Variants in PAPPA2 observed in about 807,000 individuals in gnomAD.
The protein encoded by PAPPA2 is pappalysin-2.
Under a neutral mutation model 176.4 loss-of-function variants are expected in PAPPA2, and 86 were observed. That is an observed-to-expected ratio of 0.49 (90% CI 0.41 to 0.58). PAPPA2 has a LOEUF of 0.58. PAPPA2 is among the 20% of genes least tolerant of loss of function. PAPPA2 has a pLI of 0.00. For missense variants in PAPPA2, 2,073 were observed against 2,256.9 expected, an observed-to-expected ratio of 0.92 and a Z score of 1.65; for synonymous variants, 809 against 852.2, an observed-to-expected ratio of 0.95 and a Z score of 0.88.
At chr1:176,519,825 G>C (rs933253917) in intron 1 of PAPPA2, among the ~76,000 whole-genome samples, 2 of 152,164 alleles carry the variant, frequency 1.3e-5, no homozygotes, top group African/African-American at 4.8e-5. Context: ...CAGTGAAGTT[G>C]AAAGTTGGTA....
At position 176,840,172 on chromosome 1, in the gene PAPPA2, G is replaced by T. The variant is rs777087956; in HGVS notation, c.5203-1G>T. The T allele has an allele frequency of 6.2e-7, 1 of 1,612,300 alleles. No individual in the cohort carries two copies. On this transcript the variant is annotated splice_acceptor_variant, in intron 21 of 22. Coordinates refer to ENST00000367662, the MANE Select transcript of PAPPA2 (RefSeq NM_020318.3). LOFTEE classifies it high-confidence loss of function. ...GATGTTGCCTTCTAACCTCCCTACAGCCCTTCCAAGCAGATGGTTGGTGTG... is the reference window on the plus strand; with the variant it reads ...GATGTTGCCTTCTAACCTCCCTACATCCCTTCCAAGCAGATGGTTGGTGTG...
chr1:176,614,361 G>A (rs150851507), intron 3 of PAPPA2, among the ~76,000 whole-genome samples: 2 of 152,180 alleles, frequency 1.3e-5, no homozygotes, highest in Admixed American at 6.5e-5. Context: ...ATTGGGCCAC[G>A]TACTGTCTTG....
chr1:176,766,889 C>G (rs1663994261), intron 15 of PAPPA2, among the ~76,000 whole-genome samples: 1 of 150,032 alleles, frequency 6.7e-6, no homozygotes, highest in South Asian at 2.1e-4. Flanking sequence ...AGCTAGACAT[C>G]AGTGATTTAC....
intron 12 of PAPPA2, among the ~76,000 whole-genome samples, chr1:176,714,135 A>C (rs1321213735): frequency 6.6e-6 from 1 of 152,058 alleles, no homozygotes; most frequent in East Asian, 1.9e-4. Flanking sequence ...CCTTGACAAA[A>C]AGGGAAAACG....
chr1:176,695,774 TGG>T lies in PAPPA2; in HGVS notation c.2663_2664del (p.Gly888AspfsTer16). 6.2e-7 allele frequency: 1 copy of T among 1,614,078 alleles called. No individual in the cohort carries two copies. The highest frequency in any genetic ancestry group is 8.5e-7 in the Non-Finnish European group (1 of 1,179,972). On this transcript the variant is annotated frameshift_variant, in exon 7 of 23. Coordinates refer to ENST00000367662, the MANE Select transcript of PAPPA2 (RefSeq NM_020318.3). LOFTEE classifies it high-confidence loss of function. The stretch of plus-strand genomic sequence containing the variant: ...GCTTGTGTGGCGCTTGCACTGAAGA[TGG>T]GACCTTTCGTCAGTATGTGCACACA... ...GSLCGACTEDGTFRQYVHTAS... is the reference protein window; with the variant it reads ...GSLCGACTEDXTFRQYVHTAS...
intron 3 of PAPPA2, among the ~76,000 whole-genome samples, chr1:176,668,844 C>T (rs1362273861): frequency 1.3e-5 from 2 of 152,110 alleles, no homozygotes; most frequent in Non-Finnish European, 2.9e-5. Flanking sequence ...AGTAACCATA[C>T]CCAGTTTGCC....
At chr1:176,690,948 C>A in intron 5 of PAPPA2, 9 of 980,746 alleles carry the variant, frequency 9.2e-6, no homozygotes, top group Non-Finnish European at 1.1e-5. Context: ...TCTCTTTTTC[C>A]AGCACTAGTC....
At chr1:176,698,129 G>T (rs1045597066) in intron 7 of PAPPA2, among the ~76,000 whole-genome samples, 1 of 151,988 alleles carries the variant, frequency 6.6e-6, no homozygotes, top group African/African-American at 2.4e-5. Flanking sequence ...GTTTGAACTG[G>T]TTTTCTCTGG....
rs773343948 is a variant in PAPPA2, at chr1:176,771,100, C to T, written c.4635C>T (p.Asn1545=). The change falls in exon 17 of 23, where the codon AAC becomes AAT. Residue 1545 remains asparagine (N), a synonymous_variant. Coordinates refer to ENST00000367662, the MANE Select transcript of PAPPA2 (RefSeq NM_020318.3). ...NLLLPHCLQD[N]HDVGTICKYE... ...TCCTGCCTCACTGCCTCCAGGACAA[C>T]CACGACGTGGGCACCATCTGCAAAT... 52 of 1,614,146 alleles carry T rather than the reference C, an allele frequency of 3.2e-5. No homozygotes were observed. In the South Asian group the frequency reaches 3.5e-4, roughly 11 times the overall value.
chr1:176,599,378 T>C (rs1480642055), intron 3 of PAPPA2, among the ~76,000 whole-genome samples: 1 of 152,184 alleles, frequency 6.6e-6, no homozygotes, highest in South Asian at 2.1e-4. Flanking sequence ...TCTCTTAAAC[T>C]GTTACTTTGA....
At chr1:176,641,065 A>T (rs112375879) in intron 3 of PAPPA2, among the ~76,000 whole-genome samples, 16,783 of 148,412 alleles carry the variant, frequency 0.11, 343 homozygotes, top group South Asian at 0.2. Flanking sequence ...AATTTGTTTG[A>T]GTTCATTGTA....
intron 2 of PAPPA2, among the ~76,000 whole-genome samples, chr1:176,561,721 C>T (rs1247475344): frequency 1.3e-5 from 2 of 152,146 alleles, no homozygotes; most frequent in Non-Finnish European, 2.9e-5. Context: ...TGTCCACTCC[C>T]TAGAAAAATG....
intron 3 of PAPPA2, among the ~76,000 whole-genome samples, chr1:176,600,717 C>T (rs1654271880): frequency 6.7e-6 from 1 of 150,232 alleles, no homozygotes; most frequent in South Asian, 2.1e-4. Flanking sequence ...CTCAAGCTCA[C>T]AATTCCATTA....
At chr1:176,743,456 G>A (rs1487255100) in intron 14 of PAPPA2, among the ~76,000 whole-genome samples, 1 of 152,100 alleles carries the variant, frequency 6.6e-6, no homozygotes, top group Non-Finnish European at 1.5e-5. Context: ...GGCCACCAGT[G>A]CTCAAGAAGA....
intron 3 of PAPPA2, among the ~76,000 whole-genome samples, chr1:176,618,977 G>C (rs1241515314): frequency 1.3e-5 from 2 of 151,866 alleles, no homozygotes; most frequent in African/African-American, 4.8e-5. Context: ...TTCCAAATTG[G>C]GTCATCAATA....
chr1:176,770,888 G>C lies in PAPPA2; in HGVS notation c.4502-79G>C, dbSNP rs954134452. On this transcript the variant is annotated intron_variant, in intron 16 of 22. Coordinates refer to ENST00000367662, the MANE Select transcript of PAPPA2 (RefSeq NM_020318.3). Reference sequence around the variant, plus strand: ...TTTGAAAGGCACCAGTAAGTTCAGAGGTTTTTATTTCATCTGCTATGATTA... The same window carrying C: ...TTTGAAAGGCACCAGTAAGTTCAGACGTTTTTATTTCATCTGCTATGATTA... 21 of 1,381,502 alleles carry C rather than the reference G, an allele frequency of 1.5e-5. No homozygotes were observed. In the South Asian group the frequency reaches 2.5e-4, roughly 17 times the overall value. 85.6% of individuals were successfully genotyped at this position (1,381,502 alleles called of 1,614,324 possible). A position where few individuals can be genotyped will look rare whatever the true frequency, so the allele number is the denominator to read the frequency against.
At position 176,531,408 on chromosome 1, in the gene PAPPA2, A is replaced by G. The variant is rs905508451; in HGVS notation, c.-916-23999A>G. On this transcript the variant is annotated intron_variant, in intron 1 of 22. Coordinates refer to ENST00000367662, the MANE Select transcript of PAPPA2 (RefSeq NM_020318.3). ...CTAGGGTGTATAGAATGCTTATACC[A>G]TGACATAAAGATGGCCATAATCCTG... Among the ~76,000 whole-genome samples, 9 of 152,246 alleles carry G rather than the reference A, an allele frequency of 5.9e-5. 1 individual carries two copies. The highest frequency in any genetic ancestry group is 9.6e-5 in the African/African-American group (4 of 41,464).
At chr1:176,470,281 C>T (rs1365713936) in intron 1 of PAPPA2, among the ~76,000 whole-genome samples, 1 of 152,138 alleles carries the variant, frequency 6.6e-6, no homozygotes, top group Non-Finnish European at 1.5e-5. Flanking sequence ...TCTCTTTTTC[C>T]CCTGGTGGGC....
At chr1:176,779,896 C>T (rs1017418562) in intron 17 of PAPPA2, among the ~76,000 whole-genome samples, 4 of 152,102 alleles carry the variant, frequency 2.6e-5, no homozygotes, top group Admixed American at 6.6e-5. Context: ...CCATGACTTC[C>T]GATTCTCCCT....
Sources: allele counts gnomAD v4.1 joint callset (sites outside exome capture counted in the v4.1 genomes callset), GRCh38; gene constraint gnomAD v4.1.1; transcripts MANE v1.5; gene names NCBI Gene and HGNC (gene_info 2026-07-23, HGNC 2026-07-21).